The following DENND5B variants were observed in gnomAD, a reference collection of about 807,000 sequenced individuals.
DENND5B encodes the protein DENN domain containing 5B.
A neutral mutation model predicts 140.6 loss-of-function variants in DENND5B; 34 were observed. That is an observed-to-expected ratio of 0.24 (90% CI 0.18 to 0.32). The LOEUF is 0.32. DENND5B is among the 10% of genes least tolerant of loss of function. DENND5B has a pLI of 1.00. For synonymous variants in DENND5B, 551 were observed against 562.1 expected (o/e 0.98, Z 0.28); for missense variants, 1,142 against 1,560.2 (o/e 0.73, Z 4.52).
In DENND5B at chr12:31,455,109, C is replaced by T. The variant is rs141089243; in HGVS notation, c.1093-2633G>A. On this transcript the variant is annotated intron_variant, in intron 4 of 20. Transcript: ENST00000389082. ...TGCTGGGATTACAGGCGTGAGCCAC[C>T]GCGCCCGGCCAATTCAGTATCTTTA... is the stretch of plus-strand genomic sequence containing the variant. 2.2e-3 allele frequency among the ~76,000 whole-genome samples: 341 copies of T among 151,764 alleles called. 3 individuals are homozygous for T. The highest frequency in any genetic ancestry group is 7.6e-3 in the African/African-American group (315 of 41,368).
intron 1 of DENND5B, among the ~76,000 whole-genome samples, chr12:31,544,550 G>A (rs1948790302): frequency 1.3e-5 from 2 of 152,150 alleles, no homozygotes; most frequent in African/African-American, 4.8e-5. Context: ...CTCCCAAAGT[G>A]TTGGGATTAG....
At chr12:31,584,221 TCC>T (rs1242516120) in intron 1 of DENND5B, among the ~76,000 whole-genome samples, 1 of 152,196 alleles carries the variant, frequency 6.6e-6, no homozygotes, top group African/African-American at 2.4e-5. Context: ...CCTTTCTCTC[TCC>T]CTGTCCCCTT....
intron 2 of DENND5B, among the ~76,000 whole-genome samples, chr12:31,492,548 A>G (rs1946571409): frequency 6.6e-6 from 1 of 152,216 alleles, no homozygotes; most frequent in South Asian, 2.1e-4. Context: ...TGCTTAGGCT[A>G]GAACCTCACT....
intron 1 of DENND5B, among the ~76,000 whole-genome samples, chr12:31,578,161 T>TA (rs1398798247): frequency 6.9e-6 from 1 of 144,736 alleles, no homozygotes; most frequent in East Asian, 2.1e-4. Context: ...ACTACAACCC[T>TA]AACATTATTA....
chr12:31,550,892 C>T (rs976633603), intron 1 of DENND5B, among the ~76,000 whole-genome samples: 24 of 152,196 alleles, frequency 1.6e-4, no homozygotes, highest in African/African-American at 2.9e-4. Context: ...TCATATCCTT[C>T]GCCCACTTGT....
intron 8 of DENND5B, among the ~76,000 whole-genome samples, chr12:31,427,814 G>GA (rs1387936374): frequency 1.3e-5 from 2 of 152,104 alleles, no homozygotes; most frequent in Non-Finnish European, 2.9e-5. Context: ...GCACATATGT[G>GA]AAATCTATCC....
intron 1 of DENND5B, among the ~76,000 whole-genome samples, chr12:31,547,225 G>A (rs1358432984): frequency 2.0e-5 from 3 of 152,090 alleles, no homozygotes; most frequent in African/African-American, 4.8e-5. Context: ...GAGAAAAAGG[G>A]AAAAGTATAA....
chr12:31,442,567 TTTG>T (rs1205208398), intron 7 of DENND5B, among the ~76,000 whole-genome samples: 3 of 148,686 alleles, frequency 2.0e-5, no homozygotes, highest in Non-Finnish European at 3.0e-5. Context: ...ATCTCTAGCC[TTTG>T]TTTTTTTCTT....
intron 1 of DENND5B, among the ~76,000 whole-genome samples, chr12:31,574,264 A>AAAAAATAATAATAAT (rs1555175959): frequency 4.1e-5 from 2 of 48,540 alleles, no homozygotes; most frequent in Admixed American, 2.9e-4. Flanking sequence ...CCCTGTCTCT[A>AAAAAATAATAATAAT]AAAAATAATA....
At chr12:31,496,681 T>C (rs1946771184) in intron 1 of DENND5B, among the ~76,000 whole-genome samples, 1 of 152,108 alleles carries the variant, frequency 6.6e-6, no homozygotes, top group Non-Finnish European at 1.5e-5. Context: ...CTGGGCAACA[T>C]GGTGAGACCC....
intron 1 of DENND5B, among the ~76,000 whole-genome samples, chr12:31,570,871 A>C (rs559951016): frequency 6.6e-6 from 1 of 152,152 alleles, no homozygotes; most frequent in Non-Finnish European, 1.5e-5. Context: ...TTTTGGCAGG[A>C]AACTCATTTA....
chr12:31,517,505 T>C (rs570340947), intron 1 of DENND5B, among the ~76,000 whole-genome samples: 1 of 152,276 alleles, frequency 6.6e-6, no homozygotes, highest in East Asian at 1.9e-4. Context: ...GAGAAGTGCA[T>C]AGAAATATGA....
Position 31,423,668 on chromosome 12 carries a change from G to A in DENND5B, c.2399C>T (p.Ser800Leu), listed in dbSNP as rs1943121759. 6.2e-7 allele frequency: 1 copy of A among 1,613,532 alleles called. No homozygotes were observed. The highest frequency in any genetic ancestry group is 8.5e-7 in the Non-Finnish European group (1 of 1,179,754). ...SHGLQVKQGKSALWSHLIQFQ... is the reference protein window; with the variant it reads ...SHGLQVKQGKLALWSHLIQFQ... The stretch of plus-strand genomic sequence containing the variant: ...TTGAATTAAATGTGACCACAAAGCC[G>A]ACTTCCCCTGAAAGTACAAGATGTG... Residue 800 changes from serine to leucine, a missense_variant, in exon 11 of 21, where the codon TCG becomes TTG. Around this residue, in one of 5 missense-constraint regions of DENND5B, gnomAD observed 33 missense variants for 90.8 expected, o/e 0.36. Coordinates refer to ENST00000389082, the MANE Select transcript of DENND5B (RefSeq NM_144973.4).
At chr12:31,499,634 CTT>C (rs1308225676) in intron 1 of DENND5B, 13 of 1,504,822 alleles carry the variant, frequency 8.6e-6, no homozygotes, top group Non-Finnish European at 1.1e-5. Context: ...CACCTTGGCT[CTT>C]GCCATGACGA....
chr12:31,410,520 C>T (rs922866598), intron 13 of DENND5B, among the ~76,000 whole-genome samples: 6 of 152,090 alleles, frequency 3.9e-5, no homozygotes, highest in African/African-American at 1.4e-4. Context: ...TGCCTCCCAC[C>T]TCAGCCTCCC....
At chr12:31,425,055 G>GT (rs778276784) in intron 9 of DENND5B, among the ~76,000 whole-genome samples, 4 of 152,204 alleles carry the variant, frequency 2.6e-5, no homozygotes, top group Non-Finnish European at 4.4e-5. Flanking sequence ...GCTCACACCT[G>GT]TAATCCCAGC....
chr12:31,453,413 T>C (rs1944626313), intron 4 of DENND5B, among the ~76,000 whole-genome samples: 2 of 152,182 alleles, frequency 1.3e-5, no homozygotes, highest in African/African-American at 4.8e-5. Context: ...GCCAAGCATA[T>C]GTATAAAGTT....
At chr12:31,538,221 C>A (rs1188579442) in intron 1 of DENND5B, among the ~76,000 whole-genome samples, 1 of 152,126 alleles carries the variant, frequency 6.6e-6, no homozygotes, top group African/African-American at 2.4e-5. Context: ...CATTCTTTTT[C>A]CTCAGCACAT....
At chr12:31,405,965 T>C (rs1942109030) in intron 14 of DENND5B, among the ~76,000 whole-genome samples, 1 of 151,594 alleles carries the variant, frequency 6.6e-6, no homozygotes, top group Admixed American at 6.6e-5. Flanking sequence ...CCTACCTCAG[T>C]CTCTGGAGTA....
Sources: allele counts gnomAD v4.1 joint callset (sites outside exome capture counted in the v4.1 genomes callset), GRCh38; gene constraint gnomAD v4.1.1; regional missense constraint gnomAD v4.1.1; transcripts MANE v1.5; gene names NCBI Gene and HGNC (gene_info 2026-07-23, HGNC 2026-07-21).